EPHB1: variants seen among roughly 807,000 people sequenced by gnomAD.
EPHB1 encodes the protein EPH receptor B1.
A neutral mutation model predicts 94.4 loss-of-function variants in EPHB1; 30 were observed. The ratio of observed to expected loss-of-function variants is 0.32; its 90% confidence interval spans 0.24 to 0.43. The LOEUF (loss-of-function observed/expected upper bound fraction) is 0.43. Ranked by LOEUF, EPHB1 falls within the 20% of genes least tolerant of loss-of-function variation. The pLI, the probability that EPHB1 is intolerant of heterozygous loss-of-function variation, is 1.00. For missense variants in EPHB1, 1,055 were observed against 1,308.3 expected (o/e 0.81, Z 2.99); for synonymous variants, 522 against 489.1 (o/e 1.07, Z -0.89).
intron 3 of EPHB1, among the ~76,000 whole-genome samples, chr3:135,023,517 C>T (rs36050): frequency 0.011 from 1,615 of 152,264 alleles, 35 homozygotes; most frequent in African/African-American, 0.037. Flanking sequence ...GTGCCAGAAT[C>T]GCCCCCTGTT....
In EPHB1 at chr3:134,885,875, G is replaced by A. The variant is rs146694112; in HGVS notation, c.59-39941G>A. Among the ~76,000 whole-genome samples, 13 of 152,292 alleles carry A rather than the reference G, an allele frequency of 8.5e-5. No individual in the cohort carries two copies. In the East Asian group the frequency reaches 2.5e-3, roughly 29 times the overall value. ...GGCATCTACAGTGTGGTGCGTGTGA[G>A]CCTGAAGATGGGCAGCATGAGAGAG... is the stretch of plus-strand genomic sequence containing the variant. On this transcript the variant is annotated intron_variant, in intron 1 of 15. Transcript: ENST00000398015.
At chr3:134,855,267 G>C (rs2037086936) in intron 1 of EPHB1, among the ~76,000 whole-genome samples, 2 of 152,220 alleles carry the variant, frequency 1.3e-5, no homozygotes, top group Non-Finnish European at 2.9e-5. Context: ...TTGAAACCCA[G>C]ATGGAGGAAA....
At chr3:134,873,385 G>A (rs2037543694) in intron 1 of EPHB1, among the ~76,000 whole-genome samples, 1 of 152,206 alleles carries the variant, frequency 6.6e-6, no homozygotes, top group East Asian at 1.9e-4. Context: ...CTCTTCTAGT[G>A]TGTATCTGAC....
chr3:135,052,943 GTATA>G (rs796641061), intron 3 of EPHB1, among the ~76,000 whole-genome samples: 1,767 of 92,634 alleles, frequency 0.019, 47 homozygotes, highest in East Asian at 0.066. Flanking sequence ...ATATATGTGT[GTATA>G]TATATATATG....
At chr3:135,075,708 C>T (rs1937886489) in intron 3 of EPHB1, among the ~76,000 whole-genome samples, 1 of 152,190 alleles carries the variant, frequency 6.6e-6, no homozygotes, top group African/African-American at 2.4e-5. Flanking sequence ...CAGGAGGCTA[C>T]TATCCTGCCT....
chr3:134,860,272 T>C (rs2037225750), intron 1 of EPHB1, among the ~76,000 whole-genome samples: 1 of 152,040 alleles, frequency 6.6e-6, no homozygotes, highest in Non-Finnish European at 1.5e-5. Flanking sequence ...CCATACTCAG[T>C]GTTAAGGACT....
chr3:134,919,525 A>C (rs1390223329), intron 1 of EPHB1, among the ~76,000 whole-genome samples: 2 of 152,146 alleles, frequency 1.3e-5, no homozygotes, highest in African/African-American at 4.8e-5. Flanking sequence ...AGGCAGCAGG[A>C]GGTCCGGACA....
At chr3:135,047,722 G>A (rs1937044400) in intron 3 of EPHB1, among the ~76,000 whole-genome samples, 1 of 152,126 alleles carries the variant, frequency 6.6e-6, no homozygotes. Flanking sequence ...TTACACCCTT[G>A]TGACAGTTTC....
chr3:135,101,720 C>A (rs1349347940), intron 3 of EPHB1, among the ~76,000 whole-genome samples: 1 of 152,106 alleles, frequency 6.6e-6, no homozygotes, highest in African/African-American at 2.4e-5. Context: ...AGCATGAATT[C>A]TATGAGAAAG....
intron 2 of EPHB1, among the ~76,000 whole-genome samples, chr3:134,950,778 C>T (rs1049168497): frequency 1.9e-4 from 29 of 152,140 alleles, no homozygotes; most frequent in African/African-American, 6.5e-4. Flanking sequence ...ACATGAGATT[C>T]GGAAAGGAAA....
At chr3:134,833,943 A>G (rs536574757) in intron 1 of EPHB1, among the ~76,000 whole-genome samples, 1 of 152,302 alleles carries the variant, frequency 6.6e-6, no homozygotes, top group African/African-American at 2.4e-5. Flanking sequence ...AGAGCGTGAT[A>G]AGAGGATGGT....
At chr3:135,111,619 AG>A (rs961831137) in intron 4 of EPHB1, among the ~76,000 whole-genome samples, 3 of 152,164 alleles carry the variant, frequency 2.0e-5, no homozygotes, top group African/African-American at 7.2e-5. Context: ...GAGTGGTTCA[AG>A]GGAGGGTCTC....
chr3:135,256,133 C>T (rs1476817488), intron 15 of EPHB1, among the ~76,000 whole-genome samples: 1 of 152,152 alleles, frequency 6.6e-6, no homozygotes, highest in Non-Finnish European at 1.5e-5. Context: ...AGATGGGTTT[C>T]CTGAATACAG....
intron 3 of EPHB1, among the ~76,000 whole-genome samples, chr3:135,102,325 AG>A (rs1939062242): frequency 6.6e-6 from 1 of 152,192 alleles, no homozygotes; most frequent in African/African-American, 2.4e-5. Flanking sequence ...CTGGCTCCAA[AG>A]GCCATTTGCT....
At chr3:135,099,373 A>G (rs887399221) in intron 3 of EPHB1, among the ~76,000 whole-genome samples, 11 of 152,112 alleles carry the variant, frequency 7.2e-5, no homozygotes, top group Non-Finnish European at 1.0e-4. Flanking sequence ...GAATGGACAG[A>G]TGGATGGGTG....
intron 3 of EPHB1, among the ~76,000 whole-genome samples, chr3:134,959,306 G>A (rs6439538): frequency 6.6e-6 from 1 of 151,708 alleles, no homozygotes; most frequent in Non-Finnish European, 1.5e-5. Flanking sequence ...AGAGGGGTCC[G>A]CCAGGAGCAT....
At chr3:134,872,200 G>A (rs550469665) in intron 1 of EPHB1, among the ~76,000 whole-genome samples, 6 of 152,284 alleles carry the variant, frequency 3.9e-5, no homozygotes, top group East Asian at 1.9e-4. Context: ...CCTGTGTTCC[G>A]GGTAACTGTT....
intron 1 of EPHB1, among the ~76,000 whole-genome samples, chr3:134,912,100 A>G (rs760900746): frequency 2.0e-5 from 3 of 152,178 alleles, no homozygotes; most frequent in Non-Finnish European, 4.4e-5. Flanking sequence ...AGGGCTGCAG[A>G]GAGTCATTTT....
intron 3 of EPHB1, among the ~76,000 whole-genome samples, chr3:135,030,244 C>T (rs1936383956): frequency 6.6e-6 from 1 of 152,222 alleles, no homozygotes; most frequent in Non-Finnish European, 1.5e-5. Flanking sequence ...ATTCTCCGTC[C>T]AGCTTTGTTC....
Sources: allele counts gnomAD v4.1 joint callset (sites outside exome capture counted in the v4.1 genomes callset), GRCh38; gene constraint gnomAD v4.1.1; transcripts MANE v1.5; gene names NCBI Gene and HGNC (gene_info 2026-07-23, HGNC 2026-07-21).